The following SENP1 variants were observed in gnomAD, a reference collection of about 807,000 sequenced individuals.
SENP1 encodes the protein sentrin-specific protease 1.
In SENP1, 21 loss-of-function variants were observed where a neutral mutation model predicts 93.0. The observed-to-expected ratio is 0.23, with a 90% CI of 0.16 to 0.33. The LOEUF (loss-of-function observed/expected upper bound fraction) is 0.33, where lower values mean the gene tolerates loss of function less well. Among genes scored for constraint, SENP1 ranks in the 10% least tolerant of loss-of-function variants. The pLI, the probability that SENP1 is intolerant of heterozygous loss-of-function variation, is 1.00. For synonymous variants in SENP1, 256 were observed against 259.6 expected (o/e 0.99, Z 0.13); for missense variants, 591 against 758.7 (o/e 0.78, Z 2.60).
intron 13 of SENP1, among the ~76,000 whole-genome samples, chr12:48,050,543 C>T (rs1293032979): frequency 1.3e-5 from 2 of 152,236 alleles, no homozygotes; most frequent in Non-Finnish European, 2.9e-5. Flanking sequence ...CAGGTTGTGG[C>T]TTATTCTCTG....
At chr12:48,064,124 C>A (rs1565758162) in intron 12 of SENP1, among the ~76,000 whole-genome samples, 1 of 152,138 alleles carries the variant, frequency 6.6e-6, no homozygotes, top group Non-Finnish European at 1.5e-5. Flanking sequence ...CTTCCGCTAT[C>A]AAATTTTCTA....
At chr12:48,054,012 G>A (rs1449508927) in intron 13 of SENP1, among the ~76,000 whole-genome samples, 1 of 152,158 alleles carries the variant, frequency 6.6e-6, no homozygotes, top group African/African-American at 2.4e-5. Context: ...ATGAGAGGGA[G>A]AATAGGGTCT....
intron 6 of SENP1, among the ~76,000 whole-genome samples, chr12:48,079,505 A>G (rs986083514): frequency 6.6e-6 from 1 of 152,334 alleles, no homozygotes; most frequent in East Asian, 1.9e-4. Flanking sequence ...TCTCAAATAA[A>G]AAAAGAAAAT....
chr12:48,078,347 A>C (rs2137083030), intron 6 of SENP1, among the ~76,000 whole-genome samples: 1 of 124,220 alleles, frequency 8.1e-6, no homozygotes, highest in East Asian at 3.0e-4. Context: ...ACACACATAT[A>C]TATATACACA....
At chr12:48,094,857 T>C (rs1304169615) in intron 4 of SENP1, among the ~76,000 whole-genome samples, 1 of 152,168 alleles carries the variant, frequency 6.6e-6, no homozygotes, top group Non-Finnish European at 1.5e-5. Context: ...TAAGCAAACA[T>C]AGCCTGAGTT....
chr12:48,085,916 TG>T (rs1314407168), intron 5 of SENP1, among the ~76,000 whole-genome samples: 1 of 152,120 alleles, frequency 6.6e-6, no homozygotes, highest in Non-Finnish European at 1.5e-5. Context: ...CGCCTATGCA[TG>T]TTTTTTTTAA....
intron 6 of SENP1, among the ~76,000 whole-genome samples, chr12:48,077,309 T>G (rs1944163776): frequency 6.6e-6 from 1 of 152,212 alleles, no homozygotes; most frequent in African/African-American, 2.4e-5. Flanking sequence ...TTGTTGCCTA[T>G]GACTTTGCGT....
At chr12:48,104,136 G>A (rs1482222954) in intron 1 of SENP1, among the ~76,000 whole-genome samples, 4 of 151,612 alleles carry the variant, frequency 2.6e-5, no homozygotes, top group Non-Finnish European at 5.9e-5. Context: ...GCTTGAACCC[G>A]GGAGGCGGAG....
At chr12:48,069,085 G>A (rs11168383) in intron 9 of SENP1, among the ~76,000 whole-genome samples, 24,898 of 149,008 alleles carry the variant, frequency 0.17, 2,404 homozygotes, top group East Asian at 0.28. Context: ...CCCGGGAGGC[G>A]GAGGTTGCAG....
chr12:48,104,203 T>G (rs903390405), intron 1 of SENP1, among the ~76,000 whole-genome samples: 2 of 126,448 alleles, frequency 1.6e-5, no homozygotes, highest in African/African-American at 6.1e-5. Context: ...AGAGCGAGAC[T>G]CTGTCTAAAA....
In SENP1 at chr12:48,048,950, C is replaced by G; in HGVS notation, c.1590G>C (p.Leu530=). ...TCACAGCTAGACACCAGTGTACTCC[C>G]AGGTGAATGGGCACCAAAAGAATGT... ...SVDILLVPIH[L]GVHWCLAVVD... is the part of the protein sequence containing the mutation. Residue 530 remains leucine, a synonymous_variant, in exon 14 of 18, where the codon CTG becomes CTC. Transcript: ENST00000549518. 1 of 1,613,504 alleles carries G rather than the reference C, an allele frequency of 6.2e-7. No homozygotes were observed. The highest frequency in any genetic ancestry group is 1.1e-5 in the South Asian group (1 of 91,044).
chr12:48,048,837 A>G, intron 14 of SENP1, 92 bp downstream of exon 14: 1 of 902,952 alleles, frequency 1.1e-6, no homozygotes, highest in Middle Eastern at 2.2e-4. Context: ...CTCAATAATC[A>G]AGGGAACATG....
At chr12:48,064,479 G>A (rs1327581784) in intron 12 of SENP1, among the ~76,000 whole-genome samples, 2 of 152,090 alleles carry the variant, frequency 1.3e-5, no homozygotes, top group Non-Finnish European at 2.9e-5. Context: ...TCAAACTATT[G>A]TATGTGTGCA....
In SENP1 at chr12:48,044,320, A is replaced by G. The variant is rs988175912; in HGVS notation, c.*1002T>C. 6.9e-6 allele frequency: 1 copy of G among 144,662 alleles called. No individual in the cohort carries two copies. The highest frequency in any genetic ancestry group is 1.5e-5 in the Non-Finnish European group (1 of 65,474). 9.0% of individuals were successfully genotyped at this position (144,662 alleles called of 1,614,324 possible). A position where few individuals can be genotyped will look rare whatever the true frequency, so the allele number is the denominator to read the frequency against. On this transcript the variant is annotated 3_prime_UTR_variant, in exon 18 of 18. Coordinates refer to ENST00000549518, the MANE Select transcript of SENP1 (RefSeq NM_001267594.2). ...TAAATGGTGAACACATTCAGTCTTT[A>G]AAAAAAAAAGCATATCCCTGTGAAA...
At chr12:48,052,411 G>A (rs955784164) in intron 13 of SENP1, among the ~76,000 whole-genome samples, 2 of 152,162 alleles carry the variant, frequency 1.3e-5, no homozygotes, top group South Asian at 2.1e-4. Context: ...CAATACTTCT[G>A]AGCAGAGATC....
At chr12:48,051,526 C>T (rs1410466203) in intron 13 of SENP1, among the ~76,000 whole-genome samples, 2 of 152,226 alleles carry the variant, frequency 1.3e-5, no homozygotes, top group South Asian at 2.1e-4. Context: ...TCAAGTCTTT[C>T]TCCTCAATTT....
intron 4 of SENP1, among the ~76,000 whole-genome samples, chr12:48,092,636 T>C (rs943196629): frequency 6.6e-6 from 1 of 152,204 alleles, no homozygotes; most frequent in East Asian, 1.9e-4. Flanking sequence ...TTATTTACTA[T>C]TGTTATTCTC....
chr12:48,103,959 T>C lies in SENP1; in HGVS notation c.-45+2069A>G, dbSNP rs145419320. On this transcript the variant is annotated intron_variant, in intron 1 of 17. Coordinates refer to ENST00000549518, the MANE Select transcript of SENP1 (RefSeq NM_001267594.2). ...TGGGCACGGTGGCTCACACCTGTAA[T>C]CCCAGAACTTTGGGAGGCCGAGGTG... Among the ~76,000 whole-genome samples the C allele has an allele frequency of 1.9e-3, 291 of 152,182 alleles. 1 individual carries two copies. Among genetic ancestry groups the C allele is most frequent in the African/African-American group, 6.8e-3 (281 of 41,516 alleles).
intron 13 of SENP1, among the ~76,000 whole-genome samples, chr12:48,057,556 ATATAT>A (rs201916924): frequency 0.17 from 24,694 of 145,468 alleles, 2,395 homozygotes; most frequent in East Asian, 0.28. Context: ...TTATGTAAAA[ATATAT>A]TATTTATATA....
Sources: gnomAD v4.1 joint callset for allele counts (sites outside exome capture counted in the v4.1 genomes callset) on GRCh38, gnomAD v4.1.1 for gene constraint, MANE v1.5 for transcripts, NCBI Gene and HGNC (gene_info 2026-07-23, HGNC 2026-07-21) for gene names.